KALRN: variants seen among roughly 807,000 people sequenced by gnomAD.
KALRN encodes kalirin.
KALRN carries 70 observed loss-of-function variants against 353.7 expected under a neutral mutation model. The observed-to-expected ratio is 0.20, with a 90% CI of 0.16 to 0.24. KALRN has a LOEUF of 0.24. KALRN is among the 10% of genes least tolerant of loss of function. The pLI is 1.00. For synonymous variants in KALRN, 1,391 were observed against 1,434.8 expected, an observed-to-expected ratio of 0.97 and a Z score of 0.69; for missense variants, 2,791 against 3,756.7, an observed-to-expected ratio of 0.74 and a Z score of 6.72.
intron 28 of KALRN, among the ~76,000 whole-genome samples, chr3:124,485,803 C>T (rs1433216315): frequency 6.6e-6 from 1 of 152,080 alleles, no homozygotes; most frequent in Non-Finnish European, 1.5e-5. Flanking sequence ...TTGCTTGAAC[C>T]CAGGAGGCGG....
At chr3:124,520,687 T>C (rs1482344372) in intron 33 of KALRN, among the ~76,000 whole-genome samples, 2 of 152,110 alleles carry the variant, frequency 1.3e-5, no homozygotes, top group Non-Finnish European at 2.9e-5. Context: ...GGCCAACTCT[T>C]TGGGAAATGA....
chr3:124,359,455 AC>A (rs956383087), intron 10 of KALRN, among the ~76,000 whole-genome samples: 24 of 151,742 alleles, frequency 1.6e-4, no homozygotes, highest in Non-Finnish European at 2.5e-4. Context: ...TCAAAAATCT[AC>A]CCCCCTAGTA....
chr3:124,297,672 C>T (rs1257390273), intron 5 of KALRN, among the ~76,000 whole-genome samples: 1 of 152,216 alleles, frequency 6.6e-6, no homozygotes, highest in Non-Finnish European at 1.5e-5. Flanking sequence ...AGTAGAATTT[C>T]CTGCTCTGGA....
intron 45 of KALRN, 62 bp from the exon 46 acceptor site, chr3:124,666,387 C>A: frequency 6.6e-7 from 1 of 1,511,602 alleles, no homozygotes; most frequent in African/African-American, 1.4e-5. Context: ...TCTGTGGACC[C>A]AGAGGGCAGT....
At chr3:124,348,670 C>G (rs758538056) in intron 10 of KALRN, among the ~76,000 whole-genome samples, 3 of 152,156 alleles carry the variant, frequency 2.0e-5, no homozygotes, top group Non-Finnish European at 2.9e-5. Context: ...TACCATAGAT[C>G]CAGCAATTCC....
At chr3:124,244,956 T>TTTC (rs1449227338) in intron 3 of KALRN, among the ~76,000 whole-genome samples, 15 of 152,300 alleles carry the variant, frequency 9.8e-5, no homozygotes, top group African/African-American at 3.4e-4. Flanking sequence ...GGCATTGAGA[T>TTTC]TTCCATCATC....
chr3:124,663,980 T>C (rs1420330258), intron 45 of KALRN, among the ~76,000 whole-genome samples: 2 of 152,166 alleles, frequency 1.3e-5, no homozygotes, highest in Non-Finnish European at 2.9e-5. Context: ...ACTATGTGGA[T>C]GGTTTTCTTT....
At chr3:124,216,770 A>G (rs560183439) in intron 1 of KALRN, among the ~76,000 whole-genome samples, 91 of 152,336 alleles carry the variant, frequency 6.0e-4, no homozygotes, top group Non-Finnish European at 1.1e-3. Flanking sequence ...TTTCCCAATC[A>G]TGGCAAATTT....
chr3:124,532,411 C>T (rs1157380875), intron 33 of KALRN, among the ~76,000 whole-genome samples: 1 of 152,202 alleles, frequency 6.6e-6, no homozygotes, highest in Non-Finnish European at 1.5e-5. Flanking sequence ...TGGCATAGAA[C>T]ACTGGGTTGG....
intron 11 of KALRN, among the ~76,000 whole-genome samples, chr3:124,389,103 A>G (rs1464317835): frequency 6.6e-6 from 1 of 152,088 alleles, no homozygotes; most frequent in Non-Finnish European, 1.5e-5. Context: ...ACTGTTATAA[A>G]TCATTTCTGC....
At chr3:124,170,706 C>G (rs1032737372) in intron 1 of KALRN, among the ~76,000 whole-genome samples, 1 of 152,094 alleles carries the variant, frequency 6.6e-6, no homozygotes, top group South Asian at 2.1e-4. Context: ...TTTATGCAAT[C>G]AAGACTTCTT....
At chr3:124,129,995 A>G (rs1392837974) in intron 1 of KALRN, among the ~76,000 whole-genome samples, 1 of 152,230 alleles carries the variant, frequency 6.6e-6, no homozygotes, top group African/African-American at 2.4e-5. Flanking sequence ...TTGTTTGATA[A>G]CTGATTAACA....
chr3:124,395,154 A>C lies in KALRN; in HGVS notation c.1982A>C (p.Asp661Ala). The C allele has an allele frequency of 6.2e-7, 1 of 1,612,854 alleles. No individual in the cohort carries two copies. Among genetic ancestry groups the C allele is most frequent in the Non-Finnish European group, 8.5e-7 (1 of 1,179,324 alleles). The change falls in exon 12 of 60, where the codon GAC becomes GCC. Residue 661 changes from aspartate (D) to alanine (A), a missense_variant. Coordinates refer to ENST00000682506, the MANE Select transcript of KALRN (RefSeq NM_001388419.1). ...HTKELWTWME[D>A]LQKEMLEDVC... ...CTACAGTTGTGGACATGGATGGAAG[A>C]CCTTCAGAAGGAGATGTTGGAGGAT...
At chr3:124,551,155 A>G (rs2070481817) in intron 33 of KALRN, among the ~76,000 whole-genome samples, 2 of 152,212 alleles carry the variant, frequency 1.3e-5, no homozygotes, top group Admixed American at 1.3e-4. Flanking sequence ...GTCATGAACC[A>G]GAGGTGAGGC....
At chr3:124,651,349 A>G (rs2083398156) in intron 38 of KALRN, among the ~76,000 whole-genome samples, 3 of 152,206 alleles carry the variant, frequency 2.0e-5, no homozygotes, top group Admixed American at 6.5e-5. Context: ...AAAGTTATAT[A>G]TAGAGGAAGG....
chr3:124,255,313 C>T (rs1394719749), intron 3 of KALRN, among the ~76,000 whole-genome samples: 1 of 152,156 alleles, frequency 6.6e-6, no homozygotes, highest in Non-Finnish European at 1.5e-5. Flanking sequence ...CTCATGTGGG[C>T]TGTCCTAAGA....
chr3:124,720,159 G>A lies in KALRN; in HGVS notation c.*689G>A, dbSNP rs2063325128. 2 of 152,626 alleles carry A rather than the reference G, an allele frequency of 1.3e-5. No homozygotes were observed. Among genetic ancestry groups the A allele is most frequent in the Admixed American group, 6.5e-5 (1 of 15,280 alleles). The allele number at this position is 152,626 out of a possible 1,614,324, so 9.5% of individuals were successfully genotyped here. The stretch of plus-strand genomic sequence containing the variant: ...TTTTACCAGAACCTGTGCATTAAGA[G>A]AAAGCAATGTTGCCCTTTTGAATGA... On this transcript the variant is annotated 3_prime_UTR_variant, in exon 60 of 60. Coordinates refer to ENST00000682506, the MANE Select transcript of KALRN (RefSeq NM_001388419.1).
intron 1 of KALRN, among the ~76,000 whole-genome samples, chr3:124,058,566 A>G (rs909096470): frequency 1.4e-4 from 21 of 152,158 alleles, no homozygotes; most frequent in Non-Finnish European, 2.8e-4. Context: ...TCAAGCTTGA[A>G]AGTTTTGAAT....
chr3:124,180,649 T>C lies in KALRN; in HGVS notation c.74-47341T>C, dbSNP rs533076075. Reference sequence around the variant, plus strand: ...ACCTCCCTCGTTGGACTCATGAGGATTCACTACAGCAACATGAGAAATCTC... The same window carrying C: ...ACCTCCCTCGTTGGACTCATGAGGACTCACTACAGCAACATGAGAAATCTC... On this transcript the variant is annotated intron_variant, in intron 1 of 59. Coordinates refer to ENST00000682506, the MANE Select transcript of KALRN (RefSeq NM_001388419.1). Among the ~76,000 whole-genome samples, 3 of 152,240 alleles carry C rather than the reference T, an allele frequency of 2.0e-5. No homozygotes were observed. The South Asian group carries it at 6.2e-4, about 32-fold the overall frequency.
Sources: gnomAD v4.1 joint callset for allele counts (sites outside exome capture counted in the v4.1 genomes callset) on GRCh38, gnomAD v4.1.1 for gene constraint, MANE v1.5 for transcripts, NCBI Gene and HGNC (gene_info 2026-07-23, HGNC 2026-07-21) for gene names.